The following ULK4 variants were observed in gnomAD, a reference collection of about 807,000 sequenced individuals.
ULK4 encodes the protein inactive serine/threonine-protein kinase ULK4.
Under a neutral mutation model 160.6 loss-of-function variants are expected in ULK4, and 133 were observed. That is an observed-to-expected ratio of 0.83 (90% CI 0.72 to 0.96). The LOEUF (loss-of-function observed/expected upper bound fraction) is 0.96, where lower values mean the gene tolerates loss of function less well. ULK4 is among the 40% of genes least tolerant of loss of function. The probability of loss-of-function intolerance (pLI) is 0.00; values close to 1 mark genes in which losing one functional copy is unlikely to be tolerated. For synonymous variants in ULK4, 534 were observed against 539.8 expected (o/e 0.99, Z 0.15); for missense variants, 1,580 against 1,499.5 (o/e 1.05, Z -0.89).
rs57224854 is a variant in ULK4 at position 41,412,553 on chromosome 3, ATTT to A, written c.3493-14292_3493-14290del. ...TAAAGGTCAATGGCAATGCAGTTGA[ATTT>A]TTTTTTTTTTTTTTTTTTTTTTGAG... On this transcript the variant is annotated intron_variant, in intron 34 of 36. Coordinates refer to ENST00000301831, the MANE Select transcript of ULK4 (RefSeq NM_017886.4). Among the ~76,000 whole-genome samples the A allele has an allele frequency of 9.8e-3, 986 of 100,410 alleles. 19 individuals carry two copies. The highest frequency in any genetic ancestry group is 0.052 in the Admixed American group (490 of 9,384). 65.9% of individuals were successfully genotyped at this position (100,410 alleles called of 152,430 possible).
intron 13 of ULK4, among the ~76,000 whole-genome samples, chr3:41,899,757 T>C (rs1378819008): frequency 1.3e-5 from 2 of 152,202 alleles, no homozygotes; most frequent in Non-Finnish European, 2.9e-5. Flanking sequence ...AAAGCCCACG[T>C]TGAAAATGCC....
At chr3:41,651,401 C>T (rs961466537) in intron 30 of ULK4, among the ~76,000 whole-genome samples, 5 of 152,182 alleles carry the variant, frequency 3.3e-5, no homozygotes, top group Admixed American at 3.3e-4. Flanking sequence ...CTGTTCTCCA[C>T]GGCACTTCTA....
At chr3:41,568,451 G>A (rs188866039) in intron 31 of ULK4, among the ~76,000 whole-genome samples, 10 of 152,272 alleles carry the variant, frequency 6.6e-5, no homozygotes, top group African/African-American at 2.4e-4. Context: ...ATGTTCATAA[G>A]TGATACTGAC....
intron 31 of ULK4, among the ~76,000 whole-genome samples, chr3:41,609,510 A>G (rs2032558309): frequency 6.6e-6 from 1 of 152,230 alleles, no homozygotes; most frequent in Non-Finnish European, 1.5e-5. Flanking sequence ...TTAGCAGCGT[A>G]TAAAGTCATC....
At position 41,306,508 on chromosome 3, in the gene ULK4, A is replaced by G. The variant is rs1322936494; in HGVS notation, c.3679-56934T>C. Among the ~76,000 whole-genome samples, 9 of 139,978 alleles carry G rather than the reference A, an allele frequency of 6.4e-5. No individual in the cohort carries two copies. In the South Asian group the frequency reaches 1.2e-3, roughly 19 times the overall value. The allele number at this position is 139,978 out of a possible 152,430, so 91.8% of individuals were successfully genotyped here. ...AGCCCCCCGCCCGGCCAGCCGCCCCATCCGGGAGGGAGGTGGGGGGGTCAG... is the reference window on the plus strand; with the variant it reads ...AGCCCCCCGCCCGGCCAGCCGCCCCGTCCGGGAGGGAGGTGGGGGGGTCAG... On this transcript the variant is annotated intron_variant, in intron 35 of 36. Transcript: ENST00000301831.
intron 20 of ULK4, among the ~76,000 whole-genome samples, chr3:41,791,661 C>T (rs576720282): frequency 2.8e-4 from 43 of 151,950 alleles, no homozygotes; most frequent in African/African-American, 1.0e-3. Context: ...TAAAGTTACA[C>T]TCCAATGCCA....
chr3:41,913,966 G>A (rs919175023), intron 8 of ULK4, among the ~76,000 whole-genome samples: 1 of 152,138 alleles, frequency 6.6e-6, no homozygotes, highest in African/African-American at 2.4e-5. Context: ...CCGTCTCCGG[G>A]AGGGGGTGCG....
intron 17 of ULK4, chr3:41,882,337 A>G (rs1697553511): frequency 2.9e-6 from 2 of 700,752 alleles, no homozygotes; most frequent in Admixed American, 4.0e-5. Context: ...CATGCTGTGA[A>G]AAAGATAAAG....
intron 34 of ULK4, among the ~76,000 whole-genome samples, chr3:41,429,948 T>C (rs2082865441): frequency 6.6e-6 from 1 of 152,186 alleles, no homozygotes; most frequent in Non-Finnish European, 1.5e-5. Flanking sequence ...CAGAATTATA[T>C]GGCCTAGAAG....
chr3:41,356,659 C>T (rs535133413), intron 35 of ULK4, among the ~76,000 whole-genome samples: 107 of 152,166 alleles, frequency 7.0e-4, no homozygotes, highest in Middle Eastern at 3.4e-3. Flanking sequence ...TATATGTTAC[C>T]TGCACAATCA....
intron 30 of ULK4, 69 bp downstream of exon 30, chr3:41,663,538 C>T: frequency 2.1e-6 from 3 of 1,402,212 alleles, no homozygotes; most frequent in Non-Finnish European, 3.0e-6. Context: ...TCTTTAATAA[C>T]ATTTTCACAA....
chr3:41,311,687 G>C (rs892000388), intron 35 of ULK4, among the ~76,000 whole-genome samples: 2 of 151,996 alleles, frequency 1.3e-5, no homozygotes, highest in Admixed American at 6.5e-5. Context: ...TCCTGCCTCA[G>C]CCTCCCAAAT....
chr3:41,925,505 G>T (rs571212424), intron 5 of ULK4, among the ~76,000 whole-genome samples: 1 of 152,312 alleles, frequency 6.6e-6, no homozygotes, highest in Admixed American at 6.5e-5. Context: ...GCTAGGTGCA[G>T]GAGTTTTTTT....
intron 13 of ULK4, 52 bp from the exon 14 acceptor site, chr3:41,898,544 C>G (rs773071854): frequency 2.2e-5 from 25 of 1,160,360 alleles, no homozygotes; most frequent in Non-Finnish European, 3.2e-5. Context: ...AGATGGATAT[C>G]TGTCTCCTTA....
In ULK4 at chr3:41,615,622, A is replaced by C. The variant is rs764014171; in HGVS notation, c.3120+47T>G. The C allele has an allele frequency of 7.6e-6, 12 of 1,587,248 alleles. No homozygotes were observed. In the East Asian group the frequency reaches 1.3e-4, roughly 18 times the overall value. On this transcript the variant is annotated intron_variant, in intron 31 of 36. Transcript: ENST00000301831. ...CCTACAACATGGTTAAAATCTTTAC[A>C]ATTTCAAAATTTCATTTGAATTTCA...
At chr3:41,796,827 G>A (rs2040313323) in intron 20 of ULK4, among the ~76,000 whole-genome samples, 3 of 152,098 alleles carry the variant, frequency 2.0e-5, no homozygotes, top group African/African-American at 7.2e-5. Context: ...TAAAAACTTA[G>A]GATTTCTTGG....
At chr3:41,915,660 C>T (rs1368508372) in intron 8 of ULK4, among the ~76,000 whole-genome samples, 2 of 152,090 alleles carry the variant, frequency 1.3e-5, no homozygotes, top group East Asian at 1.9e-4. Flanking sequence ...ATACAAAATA[C>T]AAGAAATGGT....
intron 2 of ULK4, among the ~76,000 whole-genome samples, chr3:41,949,064 T>C (rs1381971498): frequency 1.3e-5 from 2 of 151,790 alleles, no homozygotes; most frequent in South Asian, 2.1e-4. Flanking sequence ...CCCAGCACTT[T>C]TGGAGGCCAA....
At chr3:41,247,635 T>A (rs924700314) in intron 36 of ULK4, among the ~76,000 whole-genome samples, 3 of 152,050 alleles carry the variant, frequency 2.0e-5, no homozygotes. Flanking sequence ...GCATAAAAGA[T>A]GTGGGTGGCA....
Sources: allele counts gnomAD v4.1 joint callset (sites outside exome capture counted in the v4.1 genomes callset), GRCh38; gene constraint gnomAD v4.1.1; transcripts MANE v1.5; gene names NCBI Gene and HGNC (gene_info 2026-07-23, HGNC 2026-07-21).